HDLBP: variants seen among roughly 807,000 people sequenced by gnomAD.
The protein encoded by HDLBP is vigilin.
In HDLBP, 30 loss-of-function variants were observed where a neutral mutation model predicts 137.3. The ratio of observed to expected loss-of-function variants is 0.22; its 90% CI spans 0.16 to 0.30. HDLBP has a LOEUF of 0.30. HDLBP is among the 10% of genes least tolerant of loss of function. The probability of loss-of-function intolerance (pLI) is 1.00; values close to 1 mark genes in which losing one functional copy is unlikely to be tolerated. For synonymous variants in HDLBP, 606 were observed against 596.0 expected (o/e 1.02, Z -0.24); for missense variants, 1,119 against 1,667.3 (o/e 0.67, Z 5.73).
At chr2:241,292,395 C>T (rs1297871058) in intron 1 of HDLBP, among the ~76,000 whole-genome samples, 1 of 152,154 alleles carries the variant, frequency 6.6e-6, no homozygotes, top group East Asian at 1.9e-4. Context: ...AAAGAAGCTG[C>T]AAGCTATAGA....
intron 5 of HDLBP, among the ~76,000 whole-genome samples, chr2:241,257,163 A>C (rs188584347): frequency 1.3e-5 from 2 of 152,384 alleles, no homozygotes; most frequent in Non-Finnish European, 2.9e-5. Context: ...CAAAGAGAAA[A>C]GACTGAAATC....
chr2:241,247,297 A>G, intron 14 of HDLBP, 155 bp from the exon 15 acceptor site: 1 of 620,580 alleles, frequency 1.6e-6, no homozygotes, highest in Non-Finnish European at 2.9e-6. Flanking sequence ...GAGATAGATC[A>G]TTTGTCCAAC....
At chr2:241,282,169 A>G (rs1466603795) in intron 1 of HDLBP, among the ~76,000 whole-genome samples, 1 of 152,228 alleles carries the variant, frequency 6.6e-6, no homozygotes, top group Non-Finnish European at 1.5e-5. Flanking sequence ...CGTTTACAGT[A>G]TTTCCTAAAG....
At position 241,272,300 on chromosome 2, in the gene HDLBP, C is replaced by T. The variant is rs911453989; in HGVS notation, c.-102-3759G>A. On this transcript the variant is annotated intron_variant, in intron 1 of 27. Transcript: ENST00000310931. The surrounding 1 kb of genome is among the most constrained non-coding windows in gnomAD (Gnocchi z 5.6). ...GCCTCCCAGGGACCCCCACCCTGGC[C>T]GCACACGGCGCCCCCGCCGGAGCGG... is the stretch of plus-strand genomic sequence containing the variant. The T allele has an allele frequency of 3.7e-5, 36 of 982,012 alleles. No homozygotes were observed. The highest frequency in any genetic ancestry group is 8.5e-6 in the Non-Finnish European group (7 of 827,310). The allele number at this position is 982,012 out of a possible 1,614,324, so 60.8% of individuals were successfully genotyped here.
chr2:241,300,443 TAAGGA>T (rs1268149329), intron 1 of HDLBP, among the ~76,000 whole-genome samples: 1 of 152,030 alleles, frequency 6.6e-6, no homozygotes, highest in African/African-American at 2.4e-5. Flanking sequence ...AGCAAGGGCT[TAAGGA>T]AAGTACACAC....
chr2:241,250,107 G>T, intron 11 of HDLBP, 127 bp from the exon 12 acceptor site: 1 of 933,668 alleles, frequency 1.1e-6, no homozygotes, highest in Non-Finnish European at 1.6e-6. Flanking sequence ...CAAAAACGAT[G>T]CTTAGCTTCC....
At chr2:241,251,757 C>T (rs1306232754) in intron 11 of HDLBP, among the ~76,000 whole-genome samples, 1 of 152,176 alleles carries the variant, frequency 6.6e-6, no homozygotes, top group Non-Finnish European at 1.5e-5. Flanking sequence ...GGCAGATCAA[C>T]TAAGGTCAGC....
At chr2:241,289,820 G>A (rs943998395) in intron 1 of HDLBP, among the ~76,000 whole-genome samples, 2 of 152,100 alleles carry the variant, frequency 1.3e-5, no homozygotes, top group Non-Finnish European at 2.9e-5. Context: ...ACCTCAAGAA[G>A]ACATTAGGCA....
intron 14 of HDLBP, 85 bp from the exon 15 acceptor site, chr2:241,247,227 A>G: frequency 1.2e-6 from 1 of 830,432 alleles, no homozygotes; most frequent in African/African-American, 1.7e-5. Flanking sequence ...GGGTAGCATG[A>G]ACACGACAGA....
Position 241,227,652 on chromosome 2 carries a change from T to G in HDLBP, c.*1949A>C, listed in dbSNP as rs1165002441. On this transcript the variant is annotated 3_prime_UTR_variant, in exon 28 of 28. Coordinates refer to ENST00000310931, the MANE Select transcript of HDLBP (RefSeq NM_005336.6). ...GCGACATACAGAGATGTGCAAAACTTGGTGAGAATTAAAATTGACCTTTGG... is the reference window on the plus strand; with the variant it reads ...GCGACATACAGAGATGTGCAAAACTGGGTGAGAATTAAAATTGACCTTTGG... 1.3e-5 allele frequency: 2 copies of G among 152,616 alleles called. No individual in the cohort carries two copies. The highest frequency in any genetic ancestry group is 2.9e-5 in the Non-Finnish European group (2 of 68,050). The allele number at this position is 152,616 out of a possible 1,614,324, so 9.5% of individuals were successfully genotyped here.
chr2:241,248,297 T>C lies in HDLBP; in HGVS notation c.1564A>G (p.Ile522Val), dbSNP rs763435125. The change falls in exon 13 of 28, where the codon ATC becomes GTC. Residue 522 changes from isoleucine to valine, a missense_variant. Around this residue, in one of 4 missense-constraint regions of HDLBP, gnomAD observed 425 missense variants for 693.9 expected, o/e 0.61. Coordinates refer to ENST00000310931, the MANE Select transcript of HDLBP (RefSeq NM_005336.6). ...ATCCGTTCACCCTTCTGCCCAATGA[T>C]TGTGCGATGAAATCTTTGCTCAATG... ...LIIEQRFHRT[I>V]IGQKGERIRE... is the part of the protein sequence containing the mutation. 1.9e-5 allele frequency: 30 copies of C among 1,614,068 alleles called. No individual in the cohort carries two copies. Among genetic ancestry groups the C allele is most frequent in the African/African-American group, 1.3e-5 (1 of 74,936 alleles).
At chr2:241,290,471 G>C (rs1272929178) in intron 1 of HDLBP, among the ~76,000 whole-genome samples, 1 of 152,092 alleles carries the variant, frequency 6.6e-6, no homozygotes, top group Non-Finnish European at 1.5e-5. Flanking sequence ...TTAGCCGGGC[G>C]TGGCGGCACA....
At chr2:241,241,375 A>G (rs1317856599) in intron 17 of HDLBP, among the ~76,000 whole-genome samples, 4 of 151,700 alleles carry the variant, frequency 2.6e-5, no homozygotes, top group South Asian at 2.1e-4. Flanking sequence ...AGACCATCCT[A>G]GCTAACACTG....
In HDLBP at chr2:241,233,592, G is replaced by C. The variant is rs1338587792; in HGVS notation, c.3288+228C>G. On this transcript the variant is annotated intron_variant, in intron 24 of 27. Coordinates refer to ENST00000310931, the MANE Select transcript of HDLBP (RefSeq NM_005336.6). This position sits in a 1 kb window ranked among gnomAD's most constrained non-coding sequence, Gnocchi z 4.3. Reference sequence around the variant, plus strand: ...TGCTCATTTTCTGGAAGGAGACGCAGGAGAAAATGCTCCAGGCCCCAGATG... The same window carrying C: ...TGCTCATTTTCTGGAAGGAGACGCACGAGAAAATGCTCCAGGCCCCAGATG... Among the ~76,000 whole-genome samples the C allele has an allele frequency of 2.0e-5, 3 of 152,102 alleles. No individual in the cohort carries two copies. In the East Asian group the frequency reaches 5.8e-4, roughly 29 times the overall value.
At chr2:241,267,988 C>A in intron 2 of HDLBP, 1 of 700,376 alleles carries the variant, frequency 1.4e-6, no homozygotes, top group African/African-American at 1.9e-5. Context: ...GCTTCCTCTC[C>A]TTCCCTCTCC....
intron 9 of HDLBP, among the ~76,000 whole-genome samples, chr2:241,254,651 AT>A (rs2072471857): frequency 6.6e-6 from 1 of 151,938 alleles, no homozygotes; most frequent in African/African-American, 2.4e-5. Context: ...AGCCCGGCTA[AT>A]TTTTTGTATT....
chr2:241,306,494 G>A (rs891011943), intron 1 of HDLBP, among the ~76,000 whole-genome samples: 7 of 151,434 alleles, frequency 4.6e-5, no homozygotes, highest in African/African-American at 1.7e-4. Flanking sequence ...CCTGACCTCA[G>A]GTGATCTGCC....
intron 1 of HDLBP, chr2:241,271,064 A>G: frequency 1.0e-6 from 1 of 985,400 alleles, no homozygotes; most frequent in Non-Finnish European, 1.2e-6. Context: ...GACAAAATCT[A>G]CAACTTCTTT....
chr2:241,289,033 C>G (rs1252717840), intron 1 of HDLBP, among the ~76,000 whole-genome samples: 2 of 152,226 alleles, frequency 1.3e-5, no homozygotes, highest in African/African-American at 2.4e-5. Flanking sequence ...ATAAAGAACT[C>G]TGTTATGGAT....
Sources: allele counts gnomAD v4.1 joint callset (sites outside exome capture counted in the v4.1 genomes callset), GRCh38; gene constraint gnomAD v4.1.1; regional missense constraint gnomAD v4.1.1; non-coding constraint Gnocchi (gnomAD v3.1); transcripts MANE v1.5; gene names NCBI Gene and HGNC (gene_info 2026-07-23, HGNC 2026-07-21).